The following CYP26A1 variants were observed in gnomAD, a reference collection of about 807,000 sequenced individuals.
CYP26A1 encodes cytochrome P450 family 26 subfamily A member 1, also known as cytochrome P450 26A1.
A neutral mutation model predicts 47.4 loss-of-function variants in CYP26A1; 46 were observed. The observed-to-expected ratio is 0.97, with a 90% CI of 0.77 to 1.24. The LOEUF is 1.24. CYP26A1 is among the 50% of genes most tolerant of loss of function. The pLI is 0.00. For synonymous variants in CYP26A1, 277 were observed against 263.7 expected, an observed-to-expected ratio of 1.05 and a Z score of -0.49; for missense variants, 680 against 644.4, an observed-to-expected ratio of 1.06 and a Z score of -0.60.
At position 93,074,442 on chromosome 10, in the gene CYP26A1, G is replaced by A; in HGVS notation, c.324G>A (p.Val108=). The A allele has an allele frequency of 1.2e-6, 2 of 1,612,164 alleles. No homozygotes were observed. Among genetic ancestry groups the A allele is most frequent in the Admixed American group, 1.7e-5 (1 of 60,032 alleles). ...TCTTGCTCGGAGAGCACCGGCTGGT[G>A]TCGGTCCACTGGCCAGCGTCGGTGC... The part of the protein sequence containing the change: ...RRILLGEHRL[V]SVHWPASVRT... Residue 108 remains valine, a synonymous_variant, in exon 2 of 7, where the codon GTG becomes GTA. Coordinates refer to ENST00000224356, the MANE Select transcript of CYP26A1 (RefSeq NM_000783.4). This position sits in a 1 kb window ranked among gnomAD's most constrained non-coding sequence, Gnocchi z 5.3.
Position 93,075,927 on chromosome 10 carries a change from T to C in CYP26A1, c.966T>C (p.Val322=). 1 of 1,613,062 alleles carries C rather than the reference T, an allele frequency of 6.2e-7. No individual in the cohort carries two copies. Among genetic ancestry groups the C allele is most frequent in the Non-Finnish European group, 8.5e-7 (1 of 1,179,048 alleles). ...LITYLGLYPH[V]LQKVREELKS... ...CTTACCTGGGGCTCTACCCACATGTTCTCCAGAAAGTGCGAGAAGAGCTGA... is the reference window on the plus strand; with the variant it reads ...CTTACCTGGGGCTCTACCCACATGTCCTCCAGAAAGTGCGAGAAGAGCTGA... The change falls in exon 5 of 7, where the codon GTT becomes GTC. Residue 322 remains valine, a synonymous_variant. Transcript: ENST00000224356.
intron 4 of CYP26A1, 115 bp from the exon 5 acceptor site, chr10:93,075,711 G>A (rs2134423821): frequency 1.3e-6 from 1 of 769,916 alleles, no homozygotes; most frequent in Non-Finnish European, 2.2e-6. Flanking sequence ...CTTTCTGTCA[G>A]CAAAACATTT....
chr10:93,077,104 T>C lies in CYP26A1; in HGVS notation c.1294T>C (p.Phe432Leu), dbSNP rs1232953074. The change falls in exon 7 of 7, where the codon TTC (phenylalanine) becomes CTC (leucine). Residue 432 changes from phenylalanine (F) to leucine (L), a missense_variant. Coordinates refer to ENST00000224356, the MANE Select transcript of CYP26A1 (RefSeq NM_000783.4). ...CCCAGAGGATGCATCCAGGTTCAGCTTCATTCCATTTGGAGGAGGCCTTAG... is the reference window on the plus strand; with the variant it reads ...CCCAGAGGATGCATCCAGGTTCAGCCTCATTCCATTTGGAGGAGGCCTTAG... ...PHPEDASRFS[F>L]IPFGGGLRSC... 2.5e-6 allele frequency: 4 copies of C among 1,614,232 alleles called. No homozygotes were observed. Among genetic ancestry groups the C allele is most frequent in the Non-Finnish European group, 3.4e-6 (4 of 1,180,026 alleles).
chr10:93,073,985 G>T lies in CYP26A1; in HGVS notation c.51G>T (p.Pro17=), dbSNP rs772581633. The change falls in exon 1 of 7, where the codon CCG becomes CCT. Residue 17 remains proline (P), a synonymous_variant. Coordinates refer to ENST00000224356, the MANE Select transcript of CYP26A1 (RefSeq NM_000783.4). ...LASALCTFVL[P]LLLFLAAIKL... ...GTGCGCTCTGCACCTTCGTGCTGCC[G>T]CTGCTGCTCTTCCTGGCTGCGATCA... The T allele has an allele frequency of 7.2e-6, 11 of 1,526,190 alleles. No individual in the cohort carries two copies. The highest frequency in any genetic ancestry group is 4.1e-5 in the African/African-American group (3 of 73,202). 94.5% of individuals were successfully genotyped at this position (1,526,190 alleles called of 1,614,324 possible).
Position 93,074,607 on chromosome 10 carries a change from G to C in CYP26A1, c.414+75G>C. On this transcript the variant is annotated intron_variant, in intron 2 of 6. Transcript: ENST00000224356. The surrounding 1 kb of genome is among the most constrained non-coding windows in gnomAD (Gnocchi z 5.3). ...GCGGAATTCCGGCTGATGGATGCTA[G>C]GCGCGGGCTAGCAGCTTGAGGTGGG... is the stretch of plus-strand genomic sequence containing the variant. 8.7e-7 allele frequency: 1 copy of C among 1,155,832 alleles called. No individual in the cohort carries two copies. Among genetic ancestry groups the C allele is most frequent in the Non-Finnish European group, 1.3e-6 (1 of 769,414 alleles). The allele number at this position is 1,155,832 out of a possible 1,614,324, so 71.6% of individuals were successfully genotyped here.
In CYP26A1 at chr10:93,074,062, C is replaced by T; in HGVS notation, c.128C>T (p.Pro43Leu). 1 of 1,599,776 alleles carries T rather than the reference C, an allele frequency of 6.3e-7. No homozygotes were observed. Among genetic ancestry groups the T allele is most frequent in the South Asian group, 1.1e-5 (1 of 89,458 alleles). The part of the protein sequence containing the change: ...VSGRDRSCAL[P>L]LPPGTMGFPF... ...GGCCGCGACCGCAGTTGTGCCCTCC[C>T]ATTGCCCCCCGGGACTATGGGCTTC... The change falls in exon 1 of 7, where the codon CCA becomes CTA. Residue 43 changes from proline to leucine, a missense_variant. Transcript: ENST00000224356. This position sits in a 1 kb window ranked among gnomAD's most constrained non-coding sequence, Gnocchi z 5.3.
In CYP26A1 at chr10:93,074,947, G is replaced by A; in HGVS notation, c.583G>A (p.Gly195Ser). Residue 195 changes from glycine to serine, a missense_variant, in exon 3 of 7, where the codon GGC becomes AGC. Coordinates refer to ENST00000224356, the MANE Select transcript of CYP26A1 (RefSeq NM_000783.4). The surrounding 1 kb of genome is among the most constrained non-coding windows in gnomAD (Gnocchi z 5.3). ...CCGAATCGCCATGCGCATCCTACTG[G>A]GCTGCGAACCCCAACTGGCGGGCGA... Reference protein sequence around the residue: ...MFRIAMRILLGCEPQLAGDGD... With the variant: ...MFRIAMRILLSCEPQLAGDGD... 1 of 1,613,292 alleles carries A rather than the reference G, an allele frequency of 6.2e-7. No homozygotes were observed. The highest frequency in any genetic ancestry group is 1.1e-5 in the South Asian group (1 of 91,088).
chr10:93,077,055 T>A lies in CYP26A1; in HGVS notation c.1245T>A (p.Asn415Lys), dbSNP rs768836264. 4 of 1,613,678 alleles carry A rather than the reference T, an allele frequency of 2.5e-6. No homozygotes were observed. Among genetic ancestry groups the A allele is most frequent in the Middle Eastern group, 1.6e-4 (1 of 6,082 alleles). Reference sequence around the variant, plus strand: ...TCTTCACCAACAAGGAAGAATTTAATCCTGACCGATTCATGCTGCCTCACC... The same window carrying A: ...TCTTCACCAACAAGGAAGAATTTAAACCTGACCGATTCATGCTGCCTCACC... The part of the protein sequence containing the change: ...AEIFTNKEEF[N>K]PDRFMLPHPE... The change falls in exon 7 of 7, where the codon AAT becomes AAA. Residue 415 changes from asparagine (N) to lysine (K), a missense_variant. Transcript: ENST00000224356.
rs751932421 is a variant in CYP26A1, at chr10:93,075,188, C to A, written c.745C>A (p.Gln249Lys). 4 of 1,613,718 alleles carry A rather than the reference C, an allele frequency of 2.5e-6. No homozygotes were observed. The highest frequency in any genetic ancestry group is 1.7e-5 in the Admixed American group (1 of 59,998). Residue 249 changes from glutamine (Q) to lysine (K), a missense_variant, in exon 4 of 7, where the codon CAG becomes AAG. Transcript: ENST00000224356. ...ARNLIHARIE[Q>K]NIRAKICGLR... Reference sequence around the variant, plus strand: ...GAACCTCATTCACGCGCGCATCGAGCAGAACATTCGCGCCAAGATCTGCGG... The same window carrying A: ...GAACCTCATTCACGCGCGCATCGAGAAGAACATTCGCGCCAAGATCTGCGG...
Position 93,074,203 on chromosome 10 carries a change from G to GC in CYP26A1, c.189+85dup. ...GGCTTCTGCTGAAGTCGGGGTAGGC[G>GC]CCCCCGGGAGGCATGCTATTGCGGC... On this transcript the variant is annotated intron_variant, in intron 1 of 6. Transcript: ENST00000224356. The surrounding 1 kb of genome is among the most constrained non-coding windows in gnomAD (Gnocchi z 5.3). 6.6e-7 allele frequency: 1 copy of GC among 1,515,448 alleles called. No individual in the cohort carries two copies. The highest frequency in any genetic ancestry group is 8.9e-7 in the Non-Finnish European group (1 of 1,127,620). 93.9% of individuals were successfully genotyped at this position (1,515,448 alleles called of 1,614,324 possible). A position where few individuals can be genotyped will look rare whatever the true frequency, so the allele number is the denominator to read the frequency against.
Position 93,074,123 on chromosome 10 carries a change from G to A in CYP26A1, c.189G>A (p.Gln63=). Residue 63 remains glutamine (Q), a splice_region_variant and synonymous_variant, in exon 1 of 7, where the codon CAG becomes CAA. Transcript: ENST00000224356. This position sits in a 1 kb window ranked among gnomAD's most constrained non-coding sequence, Gnocchi z 5.3. ...GGGAAACCTTGCAGATGGTACTGCA[G>A]GTAAGGGAGGGTGGGGCGGGACAGG... The part of the protein sequence containing the change: ...FFGETLQMVL[Q]RRKFLQMKRR... 2 of 970,046 alleles carry A rather than the reference G, an allele frequency of 2.1e-6. No individual in the cohort carries two copies. The highest frequency in any genetic ancestry group is 3.1e-6 in the Non-Finnish European group (2 of 654,126). 60.1% of individuals were successfully genotyped at this position (970,046 alleles called of 1,614,324 possible). A position where few individuals can be genotyped will look rare whatever the true frequency, so the allele number is the denominator to read the frequency against.
In CYP26A1 at chr10:93,074,559, AGGGAGG is replaced by A. The variant is rs1846943951; in HGVS notation, c.414+32_414+37del. 1.4e-6 allele frequency: 2 copies of A among 1,406,496 alleles called. No homozygotes were observed. The highest frequency in any genetic ancestry group is 2.0e-6 in the Non-Finnish European group (2 of 991,656). 87.1% of individuals were successfully genotyped at this position (1,406,496 alleles called of 1,614,324 possible). A position where few individuals can be genotyped will look rare whatever the true frequency, so the allele number is the denominator to read the frequency against. Reference sequence around the variant, plus strand: ...TGGGGGCAGGAGGCGACGGCTGGACAGGGAGGGGGACCCCATTTATGAGCGGAATTC... The same window carrying A: ...TGGGGGCAGGAGGCGACGGCTGGACAGGGACCCCATTTATGAGCGGAATTC... On this transcript the variant is annotated intron_variant, in intron 2 of 6. Transcript: ENST00000224356. The surrounding 1 kb of genome is among the most constrained non-coding windows in gnomAD (Gnocchi z 5.3).
chr10:93,074,172 G>A lies in CYP26A1; in HGVS notation c.189+49G>A. On this transcript the variant is annotated intron_variant, in intron 1 of 6. Transcript: ENST00000224356. This position sits in a 1 kb window ranked among gnomAD's most constrained non-coding sequence, Gnocchi z 5.3. ...GGCTGCTTCCCCGGAGCCCGGCGCG[G>A]CTCTGGGCTTCTGCTGAAGTCGGGG... The A allele has an allele frequency of 1.3e-6, 2 of 1,522,408 alleles. No individual in the cohort carries two copies. The highest frequency in any genetic ancestry group is 1.8e-6 in the Non-Finnish European group (2 of 1,133,208). 94.3% of individuals were successfully genotyped at this position (1,522,408 alleles called of 1,614,324 possible). A position where few individuals can be genotyped will look rare whatever the true frequency, so the allele number is the denominator to read the frequency against.
At position 93,074,087 on chromosome 10, in the gene CYP26A1, C is replaced by T; in HGVS notation, c.153C>T (p.Phe51=). The T allele has an allele frequency of 6.3e-7, 1 of 1,578,870 alleles. No homozygotes were observed. Among genetic ancestry groups the T allele is most frequent in the Non-Finnish European group, 8.6e-7 (1 of 1,159,362 alleles). Residue 51 remains phenylalanine (F), a synonymous_variant, in exon 1 of 7, where the codon TTC becomes TTT. Transcript: ENST00000224356. The surrounding 1 kb of genome is among the most constrained non-coding windows in gnomAD (Gnocchi z 5.3). ...ALPLPPGTMG[F]PFFGETLQMV... is the part of the protein sequence containing the mutation. ...CATTGCCCCCCGGGACTATGGGCTT[C>T]CCCTTCTTTGGGGAAACCTTGCAGA...
chr10:93,075,492 C>T (rs1024078748), intron 4 of CYP26A1, 185 bp downstream of exon 4: 3 of 633,048 alleles, frequency 4.7e-6, no homozygotes, highest in Non-Finnish European at 2.7e-6. Flanking sequence ...GCGGAAGGGG[C>T]TGCGGCGGAA....
In CYP26A1 at chr10:93,074,828, T is replaced by G. The variant is rs1414940854; in HGVS notation, c.464T>G (p.Val155Gly). ...SREALECYVP[V>G]ITEEVGSSLE... ...GAGGCACTCGAATGCTACGTGCCGG[T>G]GATCACCGAGGAAGTGGGCAGCAGC... Residue 155 changes from valine (V) to glycine (G), a missense_variant, in exon 3 of 7, where the codon GTG becomes GGG. Transcript: ENST00000224356. The surrounding 1 kb of genome is among the most constrained non-coding windows in gnomAD (Gnocchi z 5.3). 8 of 1,611,120 alleles carry G rather than the reference T, an allele frequency of 5.0e-6. No homozygotes were observed. In the Admixed American group the frequency reaches 1.3e-4, roughly 27 times the overall value.
Position 93,076,986 on chromosome 10 carries a change from G to T in CYP26A1, c.1176G>T (p.Trp392Cys). The change falls in exon 7 of 7, where the codon TGG (tryptophan) becomes TGT (cysteine). Residue 392 changes from tryptophan (W) to cysteine (C), a missense_variant. By Grantham distance (215) the Trp-to-Cys change is radical. Coordinates refer to ENST00000224356, the MANE Select transcript of CYP26A1 (RefSeq NM_000783.4). ...ELNGYQIPKG[W>C]NVIYSICDTH... ...AGGGATACCAGATTCCCAAGGGCTG[G>T]AATGTTATCTACAGTATCTGTGATA... The T allele has an allele frequency of 6.2e-7, 1 of 1,602,100 alleles. No homozygotes were observed. The highest frequency in any genetic ancestry group is 8.5e-7 in the Non-Finnish European group (1 of 1,171,750).
Position 93,077,332 on chromosome 10 carries a change from TATTGG to T in CYP26A1, c.*30_*34del. On this transcript the variant is annotated 3_prime_UTR_variant, in exon 7 of 7. Coordinates refer to ENST00000224356, the MANE Select transcript of CYP26A1 (RefSeq NM_000783.4). ...AGCTTGAATGTTCAAACCTGAGACTTATTGGAAGTGTACATATGAGTTTTTAAGGA... is the reference window on the plus strand; with the variant it reads ...AGCTTGAATGTTCAAACCTGAGACTTAAGTGTACATATGAGTTTTTAAGGA... 7.4e-7 allele frequency: 1 copy of T among 1,347,488 alleles called. No homozygotes were observed. Among genetic ancestry groups the T allele is most frequent in the Non-Finnish European group, 1.0e-6 (1 of 993,114 alleles). The allele number at this position is 1,347,488 out of a possible 1,614,324, so 83.5% of individuals were successfully genotyped here. A position where few individuals can be genotyped will look rare whatever the true frequency, so the allele number is the denominator to read the frequency against.
Position 93,075,304 on chromosome 10 carries a change from G to A in CYP26A1, c.861G>A (p.Met287Ile). The change falls in exon 4 of 7, where the codon ATG (methionine) becomes ATA (isoleucine). Residue 287 changes from methionine (M) to isoleucine (I), a missense_variant. Met to Ile is a conservative substitution (Grantham distance 10). Transcript: ENST00000224356. ...HSWERGERLD[M>I]QALKQSSTEL... ...GGGAGAGGGGAGAGCGGCTGGACAT[G>A]CAGGTGAGTAGCAGCTTCAGACCAG... is the stretch of plus-strand genomic sequence containing the variant. The A allele has an allele frequency of 6.2e-7, 1 of 1,613,528 alleles. No homozygotes were observed. Among genetic ancestry groups the A allele is most frequent in the South Asian group, 1.1e-5 (1 of 91,044 alleles).
Sources: allele counts gnomAD v4.1 joint callset, GRCh38; gene constraint gnomAD v4.1.1; non-coding constraint Gnocchi (gnomAD v3.1); transcripts MANE v1.5; gene names NCBI Gene and HGNC (gene_info 2026-07-23, HGNC 2026-07-21).